The following LSAMP variants were observed in gnomAD, a reference collection of about 807,000 sequenced individuals.
LSAMP encodes limbic system associated membrane protein.
LSAMP carries 7 observed loss-of-function variants against 38.6 expected under a neutral mutation model. The ratio of observed to expected loss-of-function variants is 0.18; its 90% CI spans 0.10 to 0.34. LSAMP has a LOEUF of 0.34. LSAMP is among the 10% of genes least tolerant of loss of function. The pLI is 1.00. For synonymous variants in LSAMP, 154 were observed against 166.8 expected (o/e 0.92, Z 0.59); for missense variants, 313 against 420.0 (o/e 0.75, Z 2.23).
chr3:116,348,753 A>G (rs1039656115), intron 1 of LSAMP, among the ~76,000 whole-genome samples: 4 of 152,166 alleles, frequency 2.6e-5, no homozygotes, highest in Non-Finnish European at 5.9e-5. Context: ...AATTTAACAC[A>G]TCATAAAATG....
chr3:116,255,337 G>C (rs1169227723), intron 1 of LSAMP, among the ~76,000 whole-genome samples: 1 of 152,172 alleles, frequency 6.6e-6, no homozygotes, highest in African/African-American at 2.4e-5. Flanking sequence ...TCATACAAGA[G>C]AGAGAAAGAA....
intron 1 of LSAMP, among the ~76,000 whole-genome samples, chr3:116,101,481 A>G (rs1708346202): frequency 6.6e-6 from 1 of 152,208 alleles, no homozygotes; most frequent in Non-Finnish European, 1.5e-5. Context: ...TTCAATACAT[A>G]TAATGTATAG....
chr3:116,037,751 C>G (rs574631000), intron 2 of LSAMP, among the ~76,000 whole-genome samples: 1 of 152,072 alleles, frequency 6.6e-6, no homozygotes, highest in Non-Finnish European at 1.5e-5. Context: ...TGTGGTTATA[C>G]TTGGCCTAGC....
intron 3 of LSAMP, among the ~76,000 whole-genome samples, chr3:115,911,801 C>T (rs967815504): frequency 4.6e-5 from 7 of 152,222 alleles, no homozygotes; most frequent in African/African-American, 1.4e-4. Flanking sequence ...TTCCCACCAA[C>T]AAAGTATGAA....
intron 3 of LSAMP, among the ~76,000 whole-genome samples, chr3:115,972,181 A>G (rs1320093176): frequency 6.6e-6 from 1 of 152,102 alleles, no homozygotes; most frequent in Non-Finnish European, 1.5e-5. Context: ...TCAGAGAATT[A>G]CTAAAAACAA....
At chr3:116,142,419 C>T (rs554326317) in intron 1 of LSAMP, among the ~76,000 whole-genome samples, 4 of 152,106 alleles carry the variant, frequency 2.6e-5, no homozygotes, top group African/African-American at 9.6e-5. Flanking sequence ...CCCTCTGTTA[C>T]TCCTAACTAA....
At chr3:116,041,811 C>CA (rs763365903) in intron 2 of LSAMP, among the ~76,000 whole-genome samples, 1,172 of 89,346 alleles carry the variant, frequency 0.013, 19 homozygotes, top group East Asian at 0.1. Context: ...AAAAACAAAA[C>CA]AAAACAAAAA....
At chr3:115,978,402 C>T (rs997102958) in intron 3 of LSAMP, among the ~76,000 whole-genome samples, 1 of 151,824 alleles carries the variant, frequency 6.6e-6, no homozygotes, top group African/African-American at 2.4e-5. Flanking sequence ...GCTAAGTTAC[C>T]TGTTCTTCAC....
chr3:116,103,557 C>CT (rs547545490), intron 1 of LSAMP, among the ~76,000 whole-genome samples: 4,694 of 117,876 alleles, frequency 0.04, 353 homozygotes, highest in African/African-American at 0.13. Flanking sequence ...CTCATTCCAT[C>CT]TTTTTTTTTT....
intron 1 of LSAMP, among the ~76,000 whole-genome samples, chr3:116,349,913 A>G (rs1188912508): frequency 6.6e-6 from 1 of 152,048 alleles, no homozygotes; most frequent in Non-Finnish European, 1.5e-5. Context: ...GAACATGTGC[A>G]TATGTTTGTA....
chr3:116,233,372 C>T (rs1260209334), intron 1 of LSAMP, among the ~76,000 whole-genome samples: 1 of 134,096 alleles, frequency 7.5e-6, no homozygotes, highest in Non-Finnish European at 1.5e-5. Flanking sequence ...GAGATCGTGC[C>T]ACTGCACTCC....
rs547579270 is a variant in LSAMP, at chr3:116,286,912, A to G, written c.155+157965T>C. Among the ~76,000 whole-genome samples, 81 of 149,750 alleles carry G rather than the reference A, an allele frequency of 5.4e-4. No homozygotes were observed. In the South Asian group the frequency reaches 0.017, roughly 31 times the overall value. Reference sequence around the variant, plus strand: ...AAGTTAAAAAAAAAAAAAAAAGGTAACTAGGGCCTAAAAGGTCTATGGAAA... The same window carrying G: ...AAGTTAAAAAAAAAAAAAAAAGGTAGCTAGGGCCTAAAAGGTCTATGGAAA... On this transcript the variant is annotated intron_variant, in intron 1 of 6. Coordinates refer to ENST00000490035, the MANE Select transcript of LSAMP (RefSeq NM_002338.5).
intron 3 of LSAMP, among the ~76,000 whole-genome samples, chr3:115,852,927 G>A (rs1159287091): frequency 6.6e-6 from 1 of 152,144 alleles, no homozygotes; most frequent in Admixed American, 6.5e-5. Context: ...GTCTTTCAGG[G>A]AGGCCTGAGG....
At chr3:115,911,189 CAAT>C (rs1292312581) in intron 3 of LSAMP, among the ~76,000 whole-genome samples, 3 of 152,092 alleles carry the variant, frequency 2.0e-5, no homozygotes, top group Non-Finnish European at 2.9e-5. Context: ...GGTAAAAGCT[CAAT>C]AAATGACAGC....
intron 2 of LSAMP, among the ~76,000 whole-genome samples, chr3:116,079,462 G>A (rs949914644): frequency 1.3e-5 from 2 of 152,034 alleles, no homozygotes; most frequent in African/African-American, 4.8e-5. Context: ...TTGGTCACTG[G>A]CAAACATAGT....
rs185013491 is a variant in LSAMP at position 116,136,432 on chromosome 3, C to G, written c.156-49876G>C. Among the ~76,000 whole-genome samples the G allele has an allele frequency of 1.2e-4, 18 of 152,252 alleles. No homozygotes were observed. In the East Asian group the frequency reaches 1.7e-3, roughly 15 times the overall value. ...CATAAAAGAACAAAATGCTATAACT[C>G]TAATGACTTCAAAGTCCCTGGGTTA... On this transcript the variant is annotated intron_variant, in intron 1 of 6. Transcript: ENST00000490035.
rs1457567331 is a variant in LSAMP, at chr3:116,086,412, C to T, written c.300G>A (p.Lys100=). 6.2e-7 allele frequency: 1 copy of T among 1,614,144 alleles called. No homozygotes were observed. ...HSLEYSLRIQ[K]VDVYDEGSYT... Reference sequence around the variant, plus strand: ...AGGAACCCTCATCATAGACATCCACCTTCTGGATTCGGAGGCTGTATTCCA... The same window carrying T: ...AGGAACCCTCATCATAGACATCCACTTTCTGGATTCGGAGGCTGTATTCCA... The change falls in exon 2 of 7, where the codon AAG becomes AAA. Residue 100 remains lysine, a synonymous_variant. Transcript: ENST00000490035.
chr3:116,072,688 A>G (rs1465504187), intron 2 of LSAMP, among the ~76,000 whole-genome samples: 1 of 149,958 alleles, frequency 6.7e-6, no homozygotes. Flanking sequence ...TGACTGCATA[A>G]ATGTTTTCTT....
At chr3:115,956,397 A>G (rs1206762903) in intron 3 of LSAMP, among the ~76,000 whole-genome samples, 3 of 151,798 alleles carry the variant, frequency 2.0e-5, no homozygotes, top group Non-Finnish European at 4.4e-5. Flanking sequence ...AGTGACCTTA[A>G]TCCCCATAGA....
Sources: allele counts gnomAD v4.1 joint callset (sites outside exome capture counted in the v4.1 genomes callset), GRCh38; gene constraint gnomAD v4.1.1; transcripts MANE v1.5; gene names NCBI Gene and HGNC (gene_info 2026-07-23, HGNC 2026-07-21).